MEMO1: variants seen among roughly 807,000 people sequenced by gnomAD.
MEMO1 encodes protein MEMO1.
Under a neutral mutation model 45.2 loss-of-function variants are expected in MEMO1, and 6 were observed. The observed-to-expected ratio is 0.13, with a 90% CI of 0.07 to 0.26. The LOEUF (loss-of-function observed/expected upper bound fraction) is 0.26. MEMO1 is among the 10% of genes least tolerant of loss of function. The probability of loss-of-function intolerance (pLI) is 1.00; values close to 1 mark genes in which losing one functional copy is unlikely to be tolerated. For synonymous variants in MEMO1, 78 were observed against 124.3 expected (o/e 0.63, Z 2.48); for missense variants, 184 against 370.5 (o/e 0.50, Z 4.13).
At chr2:31,949,905 G>A (rs77634052) in intron 2 of MEMO1, among the ~76,000 whole-genome samples, 19,680 of 151,686 alleles carry the variant, frequency 0.13, 1,402 homozygotes, top group Middle Eastern at 0.21. Context: ...ATATATACCT[G>A]CTATGTACCC....
At chr2:31,931,815 A>G (rs1413076445) in intron 4 of MEMO1, among the ~76,000 whole-genome samples, 1 of 152,200 alleles carries the variant, frequency 6.6e-6, no homozygotes, top group Admixed American at 6.5e-5. Flanking sequence ...ATCAAAAAAC[A>G]AAATATTTAA....
At chr2:31,949,325 GCA>G (rs976166500) in intron 2 of MEMO1, among the ~76,000 whole-genome samples, 35 of 152,242 alleles carry the variant, frequency 2.3e-4, no homozygotes, top group African/African-American at 7.0e-4. Context: ...GGTTGTTGCA[GCA>G]CAGTTTACAA....
chr2:31,891,854 A>T, intron 7 of MEMO1, 138 bp downstream of exon 7: 1 of 853,140 alleles, frequency 1.2e-6, no homozygotes, highest in Non-Finnish European at 1.8e-6. Flanking sequence ...TTTTTTATTC[A>T]CTTTTAAACA....
At chr2:31,928,846 C>T (rs1466791929) in intron 4 of MEMO1, among the ~76,000 whole-genome samples, 1 of 151,972 alleles carries the variant, frequency 6.6e-6, no homozygotes, top group East Asian at 1.9e-4. Flanking sequence ...TTTATTTAGT[C>T]AATGCACTAT....
chr2:31,923,104 A>G (rs141341899), intron 4 of MEMO1, among the ~76,000 whole-genome samples: 1 of 152,110 alleles, frequency 6.6e-6, no homozygotes, highest in African/African-American at 2.4e-5. Flanking sequence ...ATGTATAAAC[A>G]TTTATTTTTC....
chr2:31,945,919 T>C (rs1349050166), intron 2 of MEMO1, among the ~76,000 whole-genome samples: 1 of 152,230 alleles, frequency 6.6e-6, no homozygotes, highest in African/African-American at 2.4e-5. Flanking sequence ...ATTTACTATT[T>C]ATCTTGAGAA....
At chr2:31,970,433 T>C (rs1315454500) in intron 2 of MEMO1, among the ~76,000 whole-genome samples, 2 of 152,200 alleles carry the variant, frequency 1.3e-5, no homozygotes, top group East Asian at 3.8e-4. Flanking sequence ...CTCGTTTTTA[T>C]TTTAGCCAAC....
intron 6 of MEMO1, among the ~76,000 whole-genome samples, chr2:31,910,927 T>A (rs1362357007): frequency 6.6e-6 from 1 of 151,348 alleles, no homozygotes; most frequent in Non-Finnish European, 1.5e-5. Context: ...TAAAAGACAG[T>A]AATAAAAACA....
At chr2:31,957,161 A>C (rs1015434155) in intron 2 of MEMO1, among the ~76,000 whole-genome samples, 4 of 151,462 alleles carry the variant, frequency 2.6e-5, no homozygotes, top group Non-Finnish European at 4.4e-5. Flanking sequence ...AAAAAAAAAG[A>C]AATGTGTAAC....
intron 2 of MEMO1, among the ~76,000 whole-genome samples, chr2:31,982,784 T>C (rs1333454169): frequency 6.6e-6 from 1 of 152,064 alleles, no homozygotes; most frequent in African/African-American, 2.4e-5. Context: ...TCATGTATAC[T>C]GGCATTGAAC....
intron 2 of MEMO1, among the ~76,000 whole-genome samples, chr2:31,974,406 G>A (rs555608975): frequency 6.6e-6 from 1 of 152,070 alleles, no homozygotes; most frequent in Non-Finnish European, 1.5e-5. Flanking sequence ...AATATTTAAG[G>A]TGTTATATAC....
At chr2:31,994,637 A>AAAT (rs1169682354) in intron 2 of MEMO1, among the ~76,000 whole-genome samples, 54 of 151,426 alleles carry the variant, frequency 3.6e-4, no homozygotes, top group East Asian at 1.8e-3. Flanking sequence ...TCTAAAAAAA[A>AAAT]AATAATAATA....
chr2:31,964,611 G>T (rs1668395224), intron 2 of MEMO1, among the ~76,000 whole-genome samples: 1 of 152,136 alleles, frequency 6.6e-6, no homozygotes, highest in African/African-American at 2.4e-5. Flanking sequence ...TGAAGCAAGA[G>T]AATCACTTGC....
At chr2:31,964,587 G>C (rs1352401737) in intron 2 of MEMO1, among the ~76,000 whole-genome samples, 2 of 152,052 alleles carry the variant, frequency 1.3e-5, no homozygotes, top group African/African-American at 4.8e-5. Flanking sequence ...TGTAATCCCA[G>C]CTACTCCAGA....
chr2:31,982,614 T>A (rs1670784707), intron 2 of MEMO1, among the ~76,000 whole-genome samples: 2 of 148,332 alleles, frequency 1.3e-5, no homozygotes, highest in African/African-American at 2.5e-5. Flanking sequence ...AAAAGATACG[T>A]ATGAAGTTCA....
chr2:31,959,438 T>C (rs1002956085), intron 2 of MEMO1, among the ~76,000 whole-genome samples: 5 of 151,330 alleles, frequency 3.3e-5, no homozygotes, highest in African/African-American at 1.2e-4. Flanking sequence ...AGCAAAGAGA[T>C]GAGATCTTTC....
rs189984854 is a variant in MEMO1, at chr2:31,903,828, G to A, written c.438-11694C>T. ...AAAGTCACAGAAAAAGAAAACATTTGAAAAATGCCACTGCTCTGTGACTGT... is the reference window on the plus strand; with the variant it reads ...AAAGTCACAGAAAAAGAAAACATTTAAAAAATGCCACTGCTCTGTGACTGT... On this transcript the variant is annotated intron_variant, in intron 6 of 9. Transcript: ENST00000404530. 2.1e-3 allele frequency among the ~76,000 whole-genome samples: 314 copies of A among 152,282 alleles called. 1 individual carries two copies. The highest frequency in any genetic ancestry group is 3.6e-3 in the Non-Finnish European group (248 of 68,016).
At chr2:31,981,599 T>C (rs1252042166) in intron 2 of MEMO1, among the ~76,000 whole-genome samples, 1 of 152,194 alleles carries the variant, frequency 6.6e-6, no homozygotes, top group African/African-American at 2.4e-5. Context: ...GAGAAAAGCA[T>C]TTATTTGCCT....
At chr2:31,960,441 A>G (rs2148406052) in intron 2 of MEMO1, among the ~76,000 whole-genome samples, 1 of 152,302 alleles carries the variant, frequency 6.6e-6, no homozygotes, top group East Asian at 1.9e-4. Flanking sequence ...GCAAAACACA[A>G]GCATGAAAAT....
Sources: allele counts gnomAD v4.1 joint callset (sites outside exome capture counted in the v4.1 genomes callset), GRCh38; gene constraint gnomAD v4.1.1; transcripts MANE v1.5; gene names NCBI Gene and HGNC (gene_info 2026-07-23, HGNC 2026-07-21).